KLF12: variants seen among roughly 807,000 people sequenced by gnomAD.
KLF12 encodes KLF transcription factor 12, also known as Krueppel-like factor 12.
KLF12 carries 9 observed loss-of-function variants against 37.8 expected under a neutral mutation model. That is an observed-to-expected ratio of 0.24 (90% CI 0.14 to 0.42). KLF12 has a LOEUF of 0.42. Among genes scored for constraint, KLF12 ranks in the 10% least tolerant of loss-of-function variants. The pLI, the probability that KLF12 is intolerant of heterozygous loss-of-function variation, is 1.00. For missense variants in KLF12, 411 were observed against 516.0 expected (o/e 0.80, Z 1.97); for synonymous variants, 208 against 202.1 (o/e 1.03, Z -0.25).
intron 3 of KLF12, among the ~76,000 whole-genome samples, chr13:73,847,648 T>C (rs1252615335): frequency 6.6e-6 from 1 of 152,112 alleles, no homozygotes; most frequent in African/African-American, 2.4e-5. Context: ...TTTAATGCTG[T>C]TTTTCCTTTT....
At chr13:74,072,406 T>TAA (rs55876641) in intron 1 of KLF12, among the ~76,000 whole-genome samples, 35 of 119,714 alleles carry the variant, frequency 2.9e-4, no homozygotes, top group Non-Finnish European at 2.0e-4. Flanking sequence ...TATATATATA[T>TAA]AAAAGATTAT....
intron 1 of KLF12, among the ~76,000 whole-genome samples, chr13:74,106,946 G>A (rs1004626905): frequency 6.6e-6 from 1 of 151,908 alleles, no homozygotes; most frequent in Non-Finnish European, 1.5e-5. Context: ...TTTTTGGGCT[G>A]CTATGACAAA....
chr13:73,763,948 A>C (rs927282166), intron 6 of KLF12, among the ~76,000 whole-genome samples: 1 of 152,180 alleles, frequency 6.6e-6, no homozygotes, highest in African/African-American at 2.4e-5. Context: ...TATTGTGAGA[A>C]TTAATTAGAT....
chr13:74,112,967 A>C (rs1877068881), intron 1 of KLF12, among the ~76,000 whole-genome samples: 2 of 152,312 alleles, frequency 1.3e-5, no homozygotes, highest in South Asian at 4.1e-4. Flanking sequence ...TAAGAAAACG[A>C]AACAGCTTTA....
At chr13:74,226,322 T>C in the KLF12 span, among the ~76,000 whole-genome samples, 1 of 152,106 alleles carries the variant, frequency 6.6e-6, no homozygotes, top group Non-Finnish European at 1.5e-5. Context: ...GGCTAGACAG[T>C]TCCAGGATGA....
chr13:73,767,880 A>G (rs1266414982), intron 5 of KLF12, among the ~76,000 whole-genome samples: 3 of 152,186 alleles, frequency 2.0e-5, no homozygotes, highest in East Asian at 1.9e-4. Flanking sequence ...CTGGTTTTCA[A>G]TGTTTTCATA....
chr13:74,274,707 T>G, the KLF12 span, among the ~76,000 whole-genome samples: 3 of 151,994 alleles, frequency 2.0e-5, no homozygotes, highest in Non-Finnish European at 4.4e-5. Context: ...ATAATTGAAG[T>G]TGAATATTTT....
intron 4 of KLF12, among the ~76,000 whole-genome samples, chr13:73,831,415 GTTAT>G (rs904984647): frequency 2.0e-5 from 3 of 151,862 alleles, no homozygotes; most frequent in Non-Finnish European, 4.4e-5. Flanking sequence ...CTCTATAAAG[GTTAT>G]TTAATATTAT....
chr13:73,917,495 G>C (rs937498902), intron 3 of KLF12, among the ~76,000 whole-genome samples: 13 of 152,216 alleles, frequency 8.5e-5, no homozygotes, highest in African/African-American at 3.1e-4. Flanking sequence ...CATATATGAT[G>C]GCAACATAGA....
chr13:74,293,128 C>G, the KLF12 span, among the ~76,000 whole-genome samples: 5,865 of 152,228 alleles, frequency 0.039, 170 homozygotes, highest in Non-Finnish European at 0.062. Context: ...AGAAATATTT[C>G]AATTTACCCA....
chr13:73,772,666 G>A lies in KLF12; in HGVS notation c.807-7666C>T, dbSNP rs143203724. 4.0e-4 allele frequency among the ~76,000 whole-genome samples: 61 copies of A among 152,246 alleles called. 1 individual carries two copies. In the East Asian group the frequency reaches 0.011, roughly 27 times the overall value. On this transcript the variant is annotated intron_variant, in intron 5 of 7. Transcript: ENST00000377669. ...GGAGATTACAGGTGTCGTGTGTTGTGGTAAATGGTTAACTCAAACAGAATT... is the reference window on the plus strand; with the variant it reads ...GGAGATTACAGGTGTCGTGTGTTGTAGTAAATGGTTAACTCAAACAGAATT...
chr13:73,991,200 T>G (rs1309774162), intron 2 of KLF12, among the ~76,000 whole-genome samples: 1 of 152,222 alleles, frequency 6.6e-6, no homozygotes, highest in Non-Finnish European at 1.5e-5. Flanking sequence ...TTGGTATCAT[T>G]ATCAAGTCTA....
intron 1 of KLF12, among the ~76,000 whole-genome samples, chr13:74,036,097 C>T (rs1477860195): frequency 6.6e-6 from 1 of 152,164 alleles, no homozygotes; most frequent in African/African-American, 2.4e-5. Flanking sequence ...ATCCGCAAGG[C>T]CTAGCATTCA....
intron 4 of KLF12, among the ~76,000 whole-genome samples, chr13:73,816,612 G>A (rs776839183): frequency 3.9e-5 from 6 of 152,108 alleles, no homozygotes; most frequent in Non-Finnish European, 7.4e-5. Context: ...TTACTATAAC[G>A]ATCCCTCCAA....
At chr13:73,840,913 T>G (rs9565051) in intron 4 of KLF12, among the ~76,000 whole-genome samples, 30,827 of 151,670 alleles carry the variant, frequency 0.2, 3,803 homozygotes, top group East Asian at 0.49. Context: ...TGCCTCAGAG[T>G]CTTTGAACCT....
At chr13:73,755,952 C>T (rs896753038) in intron 6 of KLF12, among the ~76,000 whole-genome samples, 2 of 152,098 alleles carry the variant, frequency 1.3e-5, no homozygotes, top group Admixed American at 6.6e-5. Flanking sequence ...TATGGCTGAG[C>T]AGCCTTCCAT....
chr13:73,968,197 C>T (rs889692381), intron 2 of KLF12, among the ~76,000 whole-genome samples: 3 of 152,140 alleles, frequency 2.0e-5, no homozygotes, highest in African/African-American at 7.2e-5. Context: ...TTTACATTTG[C>T]TGCTTCTCAT....
chr13:73,976,992 G>A (rs1891544492), intron 2 of KLF12, among the ~76,000 whole-genome samples: 1 of 151,656 alleles, frequency 6.6e-6, no homozygotes, highest in South Asian at 2.1e-4. Context: ...AGAAAAGTAA[G>A]TGAAAGCTTT....
At chr13:73,803,670 G>C (rs1882403537) in intron 5 of KLF12, among the ~76,000 whole-genome samples, 1 of 151,636 alleles carries the variant, frequency 6.6e-6, no homozygotes, top group Admixed American at 6.6e-5. Flanking sequence ...TGCTTTTCTA[G>C]TGTTTAAAAC....
Sources: allele counts gnomAD v4.1 joint callset (sites outside exome capture counted in the v4.1 genomes callset), GRCh38; gene constraint gnomAD v4.1.1; transcripts MANE v1.5; gene names NCBI Gene and HGNC (gene_info 2026-07-23, HGNC 2026-07-21).